STXBP4: variants seen among roughly 807,000 people sequenced by gnomAD.
STXBP4 encodes syntaxin-binding protein 4.
In STXBP4, 55 loss-of-function variants were observed where a neutral mutation model predicts 76.1. That is an observed-to-expected ratio of 0.72 (90% confidence interval 0.58 to 0.91). The LOEUF is 0.91. STXBP4 is among the 40% of genes least tolerant of loss of function. The pLI is 0.00. For missense variants in STXBP4, 618 were observed against 636.9 expected (o/e 0.97, Z 0.32); for synonymous variants, 201 against 220.2 (o/e 0.91, Z 0.77).
At chr17:55,149,677 C>T (rs1167630129) in intron 17 of STXBP4, among the ~76,000 whole-genome samples, 3 of 152,182 alleles carry the variant, frequency 2.0e-5, no homozygotes, top group African/African-American at 4.8e-5. Context: ...CCAAAACCTA[C>T]ACCTGTGCCA....
At chr17:55,096,345 A>G (rs1379838295) in intron 16 of STXBP4, among the ~76,000 whole-genome samples, 1 of 152,068 alleles carries the variant, frequency 6.6e-6, no homozygotes, top group African/African-American at 2.4e-5. Flanking sequence ...TTTTGTAGAG[A>G]TGGGATTTTG....
chr17:55,094,506 T>G (rs2079458403), intron 16 of STXBP4, among the ~76,000 whole-genome samples: 1 of 152,162 alleles, frequency 6.6e-6, no homozygotes, highest in African/African-American at 2.4e-5. Flanking sequence ...TATTTATTTT[T>G]TAAAAAGGAT....
intron 16 of STXBP4, among the ~76,000 whole-genome samples, chr17:55,105,640 T>A (rs1431971130): frequency 7.1e-6 from 1 of 140,512 alleles, no homozygotes; most frequent in Admixed American, 7.0e-5. Context: ...CAGCTAATAT[T>A]TTTTTTTTTT....
At chr17:55,025,613 A>G (rs1304209039) in intron 8 of STXBP4, among the ~76,000 whole-genome samples, 1 of 152,200 alleles carries the variant, frequency 6.6e-6, no homozygotes, top group Non-Finnish European at 1.5e-5. Context: ...AATACCCAAT[A>G]AACTAACAAT....
chr17:55,050,823 A>G (rs1021656433), intron 12 of STXBP4, among the ~76,000 whole-genome samples: 11 of 151,996 alleles, frequency 7.2e-5, no homozygotes, highest in Admixed American at 7.2e-4. Context: ...GTGCACCACC[A>G]TGCCCAGCTA....
At chr17:55,141,592 T>A (rs1002256201) in intron 17 of STXBP4, among the ~76,000 whole-genome samples, 1 of 152,156 alleles carries the variant, frequency 6.6e-6, no homozygotes, top group Admixed American at 6.5e-5. Context: ...CATCAAAAAA[T>A]TGGAACAGGA....
intron 16 of STXBP4, among the ~76,000 whole-genome samples, chr17:55,117,234 A>G (rs995540608): frequency 2.0e-5 from 3 of 151,798 alleles, no homozygotes; most frequent in African/African-American, 7.2e-5. Context: ...AGTCTACCAT[A>G]TGATCTCATT....
chr17:55,179,109 C>T, the STXBP4 span, among the ~76,000 whole-genome samples: 2 of 152,078 alleles, frequency 1.3e-5, no homozygotes, highest in Non-Finnish European at 1.5e-5. Context: ...TGCCCGAAAC[C>T]AAAACCAATC....
At chr17:55,127,711 A>G (rs1045043302) in intron 16 of STXBP4, among the ~76,000 whole-genome samples, 11 of 152,302 alleles carry the variant, frequency 7.2e-5, no homozygotes, top group African/African-American at 2.4e-4. Context: ...AAATCTTTTT[A>G]AAAACACATT....
In STXBP4 at chr17:55,117,770, T is replaced by C. The variant is rs371258568; in HGVS notation, c.1490-23540T>C. ...ATTTATTTGAATTGTTGCCATAGTC[T>C]CAGAGCATTAGTGTAAAACAGTCTC... is the stretch of plus-strand genomic sequence containing the variant. On this transcript the variant is annotated intron_variant, in intron 16 of 17. Transcript: ENST00000376352. 5.9e-5 allele frequency among the ~76,000 whole-genome samples: 9 copies of C among 152,060 alleles called. No individual in the cohort carries two copies. The East Asian group carries it at 1.2e-3, about 20-fold the overall frequency.
At chr17:55,111,018 G>A (rs2529500) in intron 16 of STXBP4, among the ~76,000 whole-genome samples, 46,673 of 152,000 alleles carry the variant, frequency 0.31, 7,447 homozygotes, top group African/African-American at 0.36. Context: ...AGGGGGAGCA[G>A]CAGTGTGAAT....
At chr17:55,122,820 CT>C (rs1235720596) in intron 16 of STXBP4, among the ~76,000 whole-genome samples, 1 of 152,040 alleles carries the variant, frequency 6.6e-6, no homozygotes, top group African/African-American at 2.4e-5. Context: ...AAAGAAGAAA[CT>C]TTTAAGTGCT....
Position 55,052,949 on chromosome 17 carries a change from G to A in STXBP4, c.1011+5795G>A, listed in dbSNP as rs1294958605. On this transcript the variant is annotated intron_variant, in intron 12 of 17. Transcript: ENST00000376352. ...TGTGTGTGTGTGTGTGTGTGTGTGT[G>A]TGGGTTGTATTCTTTAGAAATGTCA... is the stretch of plus-strand genomic sequence containing the variant. 2.0e-4 allele frequency among the ~76,000 whole-genome samples: 28 copies of A among 139,492 alleles called. 1 individual carries two copies. In the Middle Eastern group the frequency reaches 0.011, roughly 55 times the overall value. The allele number at this position is 139,492 out of a possible 152,430, so 91.5% of individuals were successfully genotyped here.
chr17:55,140,730 ATTGT>A, intron 16 of STXBP4, among the ~76,000 whole-genome samples: 1 of 152,290 alleles, frequency 6.6e-6, no homozygotes, highest in Middle Eastern at 3.4e-3. Flanking sequence ...AGTTTAGCAA[ATTGT>A]TTGGCCGTTT....
intron 16 of STXBP4, among the ~76,000 whole-genome samples, chr17:55,105,174 T>G (rs1441286349): frequency 6.6e-6 from 1 of 152,104 alleles, no homozygotes; most frequent in African/African-American, 2.4e-5. Context: ...GATTTTGAAT[T>G]TGTTTGCTCT....
At chr17:55,101,946 A>G (rs994442398) in intron 16 of STXBP4, among the ~76,000 whole-genome samples, 1 of 135,790 alleles carries the variant, frequency 7.4e-6, no homozygotes, top group African/African-American at 2.9e-5. Flanking sequence ...CTATCTTTGC[A>G]TCACATAAAA....
intron 13 of STXBP4, among the ~76,000 whole-genome samples, chr17:55,074,744 G>C (rs1567749766): frequency 6.6e-6 from 1 of 151,596 alleles, no homozygotes; most frequent in South Asian, 2.1e-4. Flanking sequence ...ATCATAATCG[G>C]GTTCTCATGC....
At chr17:55,204,833 C>CGCACACACACACAT in the STXBP4 span, among the ~76,000 whole-genome samples, 2 of 123,106 alleles carry the variant, frequency 1.6e-5, no homozygotes, top group Non-Finnish European at 3.8e-5. Flanking sequence ...CACACACACA[C>CGCACACACACACAT]ACACACACAC....
rs929349274 is a variant in STXBP4 at position 55,166,666 on chromosome 17, C to G, written c.*6755C>G. On this transcript the variant is annotated 3_prime_UTR_variant, in exon 18 of 18. Coordinates refer to ENST00000376352, the MANE Select transcript of STXBP4 (RefSeq NM_178509.6). ...GCCTTCCCCATGCCCAGAGCTGGCA[C>G]TCTATGGATGCCATGCCTGCATTTT... 4.6e-5 allele frequency: 7 copies of G among 152,278 alleles called. No homozygotes were observed. The highest frequency in any genetic ancestry group is 2.6e-4 in the Admixed American group (4 of 15,284). The allele number at this position is 152,278 out of a possible 1,614,324, so 9.4% of individuals were successfully genotyped here.
Sources: allele counts gnomAD v4.1 joint callset (sites outside exome capture counted in the v4.1 genomes callset), GRCh38; gene constraint gnomAD v4.1.1; transcripts MANE v1.5; gene names NCBI Gene and HGNC (gene_info 2026-07-23, HGNC 2026-07-21).